Variants in NREP observed in about 807,000 individuals in gnomAD.
NREP encodes neuronal regeneration related protein.
A neutral mutation model predicts 8.6 loss-of-function variants in NREP; 5 were observed. The ratio of observed to expected loss-of-function variants is 0.58; its 90% CI spans 0.30 to 1.22. NREP has a LOEUF of 1.22. Among genes scored for constraint, NREP ranks in the 50% most tolerant of loss-of-function variants. The pLI, the probability that NREP is intolerant of heterozygous loss-of-function variation, is 0.07. For missense variants in NREP, 86 were observed against 82.5 expected (o/e 1.04, Z -0.17); for synonymous variants, 27 against 28.0 (o/e 0.96, Z 0.11).
At chr5:111,852,536 A>G (rs958756748) in intron 2 of NREP, among the ~76,000 whole-genome samples, 8 of 152,160 alleles carry the variant, frequency 5.3e-5, no homozygotes, top group Non-Finnish European at 1.2e-4. Context: ...ATGAAGAGAC[A>G]TTTATGAAGT....
intron 2 of NREP, among the ~76,000 whole-genome samples, chr5:111,854,857 C>A (rs1753391184): frequency 6.6e-6 from 1 of 152,082 alleles, no homozygotes; most frequent in African/African-American, 2.4e-5. Flanking sequence ...CTTTACACAC[C>A]CATATAGATC....
chr5:111,731,945 T>A (rs1748626744), intron 3 of NREP: 2 of 152,324 alleles, frequency 1.3e-5, no homozygotes, highest in African/African-American at 4.8e-5. Context: ...GGTATTCATT[T>A]ACAACAGATA....
At chr5:111,766,220 T>C (rs190711148) in intron 2 of NREP, among the ~76,000 whole-genome samples, 18 of 152,334 alleles carry the variant, frequency 1.2e-4, no homozygotes, top group African/African-American at 4.3e-4. Flanking sequence ...AGTTTTACTT[T>C]GGTTGATCCT....
At chr5:111,739,851 T>A (rs932296919) in intron 2 of NREP, 1 of 152,166 alleles carries the variant, frequency 6.6e-6, no homozygotes, top group Non-Finnish European at 1.5e-5. Flanking sequence ...TCACAAAAAG[T>A]ATGTCTTCTT....
chr5:111,813,008 C>T (rs1281312565), intron 2 of NREP, among the ~76,000 whole-genome samples: 1 of 152,122 alleles, frequency 6.6e-6, no homozygotes, highest in Non-Finnish European at 1.5e-5. Flanking sequence ...CCAAATGCCA[C>T]CTTTTAATAA....
intron 2 of NREP, among the ~76,000 whole-genome samples, chr5:111,795,667 T>A (rs1254341092): frequency 6.6e-6 from 1 of 152,242 alleles, no homozygotes; most frequent in East Asian, 1.9e-4. Flanking sequence ...TTTAAGAACC[T>A]ATTCATGTAT....
intron 2 of NREP, among the ~76,000 whole-genome samples, chr5:111,839,663 A>C (rs1236391731): frequency 6.6e-6 from 1 of 152,114 alleles, no homozygotes; most frequent in African/African-American, 2.4e-5. Context: ...AAGAACAACC[A>C]CGTTAGTTCA....
chr5:111,911,842 A>G (rs1754920937), intron 2 of NREP, among the ~76,000 whole-genome samples: 1 of 152,198 alleles, frequency 6.6e-6, no homozygotes, highest in East Asian at 1.9e-4. Context: ...TTGCCTACCT[A>G]CTATGTACCT....
At chr5:111,846,056 T>G (rs1286256510) in intron 2 of NREP, 1 of 155,744 alleles carries the variant, frequency 6.4e-6, no homozygotes. Flanking sequence ...ATCCCACGAT[T>G]TTCTGGTTAC....
At position 111,888,913 on chromosome 5, in the gene NREP, T is replaced by G. The variant is rs116892482; in HGVS notation, c.135+86361A>C. Among the ~76,000 whole-genome samples the G allele has an allele frequency of 4.4e-4, 67 of 151,010 alleles. No homozygotes were observed. In the East Asian group the frequency reaches 0.013, roughly 28 times the overall value. ...TATGTAACTGCAAAGAGAACAAGAGTGGGGTTGTGATCATCAGTGGATTGA... is the reference window on the plus strand; with the variant it reads ...TATGTAACTGCAAAGAGAACAAGAGGGGGGTTGTGATCATCAGTGGATTGA... On this transcript the variant is annotated intron_variant, in intron 2 of 3. Transcript: ENST00000395634.
At chr5:111,778,731 A>G (rs1204466126) in intron 2 of NREP, among the ~76,000 whole-genome samples, 1 of 152,184 alleles carries the variant, frequency 6.6e-6, no homozygotes, top group Non-Finnish European at 1.5e-5. Flanking sequence ...ATTTCTTCAG[A>G]AAGTTGACAA....
intron 2 of NREP, among the ~76,000 whole-genome samples, chr5:111,854,392 T>C (rs547721099): frequency 6.6e-6 from 1 of 152,278 alleles, no homozygotes; most frequent in South Asian, 2.1e-4. Context: ...GGAGCCCTAG[T>C]TGACAAGCTC....
chr5:111,824,373 A>G (rs1376774451), intron 2 of NREP, among the ~76,000 whole-genome samples: 1 of 152,186 alleles, frequency 6.6e-6, no homozygotes, highest in Non-Finnish European at 1.5e-5. Flanking sequence ...CGTCTCAAAA[A>G]ATAAATAAAT....
At chr5:111,880,538 G>C (rs1469060592) in intron 2 of NREP, among the ~76,000 whole-genome samples, 1 of 151,978 alleles carries the variant, frequency 6.6e-6, no homozygotes, top group Non-Finnish European at 1.5e-5. Flanking sequence ...TTCATTCCTT[G>C]TGTATCCAAA....
intron 2 of NREP, among the ~76,000 whole-genome samples, chr5:111,835,934 T>C (rs1752882449): frequency 6.6e-6 from 1 of 151,980 alleles, no homozygotes; most frequent in South Asian, 2.1e-4. Flanking sequence ...AAAAAGAAAA[T>C]GGATGCAGAT....
chr5:111,951,890 G>T (rs951508375), intron 2 of NREP, among the ~76,000 whole-genome samples: 1 of 151,998 alleles, frequency 6.6e-6, no homozygotes, highest in East Asian at 1.9e-4. Flanking sequence ...AAATAATAGA[G>T]CAATCATATA....
chr5:111,814,615 G>T (rs73789509), intron 2 of NREP, among the ~76,000 whole-genome samples: 2,631 of 152,206 alleles, frequency 0.017, 63 homozygotes, highest in African/African-American at 0.049. Context: ...CAACTATTAT[G>T]TACCAGGTAC....
chr5:111,745,213 A>G lies in NREP; in HGVS notation c.4-9706T>C, dbSNP rs185554899. Among the ~76,000 whole-genome samples, 48 of 152,318 alleles carry G rather than the reference A, an allele frequency of 3.2e-4. 1 individual carries two copies. The highest frequency in any genetic ancestry group is 7.4e-5 in the Non-Finnish European group (5 of 68,010). Reference sequence around the variant, plus strand: ...GCACATAAGTAAGCAGATCTGTGTTAGCTACTATTATCATCATCGTCACCA... The same window carrying G: ...GCACATAAGTAAGCAGATCTGTGTTGGCTACTATTATCATCATCGTCACCA... On this transcript the variant is annotated intron_variant, in intron 2 of 3. Transcript: ENST00000257435.
chr5:111,795,702 C>G (rs6594541), intron 2 of NREP, among the ~76,000 whole-genome samples: 150,310 of 152,334 alleles, frequency 0.99, 74,193 homozygotes, highest in East Asian at 1. Flanking sequence ...AAATTGTTTT[C>G]GTAAAAGTTA....
Sources: gnomAD v4.1 joint callset for allele counts (sites outside exome capture counted in the v4.1 genomes callset) on GRCh38, gnomAD v4.1.1 for gene constraint, MANE v1.5 for transcripts, NCBI Gene and HGNC (gene_info 2026-07-23, HGNC 2026-07-21) for gene names.